The following CNTLN variants were observed in gnomAD, a reference collection of about 807,000 sequenced individuals.
CNTLN encodes centlein, centrosomal protein.
In CNTLN, 212 loss-of-function variants were observed where a neutral mutation model predicts 180.0. The observed-to-expected ratio is 1.18, with a 90% CI of 1.05 to 1.32. CNTLN has a LOEUF of 1.32. Among genes scored for constraint, CNTLN ranks in the 40% most tolerant of loss-of-function variants. CNTLN has a pLI of 0.00. For missense variants in CNTLN, 2,095 were observed against 1,610.9 expected (o/e 1.30, Z -5.14); for synonymous variants, 722 against 563.1 (o/e 1.28, Z -3.99).
At chr9:17,489,516 C>T (rs1487447196) in intron 25 of CNTLN, among the ~76,000 whole-genome samples, 4 of 151,820 alleles carry the variant, frequency 2.6e-5, no homozygotes, top group Non-Finnish European at 5.9e-5. Flanking sequence ...GAATCTGGCC[C>T]TGTGATTTTG....
At chr9:17,425,880 T>C (rs1829048416) in intron 18 of CNTLN, among the ~76,000 whole-genome samples, 1 of 152,206 alleles carries the variant, frequency 6.6e-6, no homozygotes, top group Non-Finnish European at 1.5e-5. Flanking sequence ...TGGTTAAATC[T>C]AAAGGAGAGA....
intron 7 of CNTLN, chr9:17,301,699 T>G (rs1035089766): frequency 6.2e-6 from 6 of 961,742 alleles, no homozygotes; most frequent in Non-Finnish European, 7.4e-6. Context: ...AGACTCAATT[T>G]GAAAATATTC....
rs777430589 is a variant in CNTLN at position 17,388,248 on chromosome 9, C to T, written c.2074C>T (p.Gln692Ter). 2.4e-5 allele frequency: 39 copies of T among 1,602,238 alleles called. No individual in the cohort carries two copies. Among genetic ancestry groups the T allele is most frequent in the Non-Finnish European group, 3.2e-5 (37 of 1,169,936 alleles). ...NGKEMLEQTL[Q>*]KVTELENRLK... ...AAAAGAAATGTTGGAGCAGACATTA[C>T]AGAAGGTAGTCTAATCTTTAAGATA... Residue 692 changes from glutamine to a stop codon, truncating the protein, a stop_gained, in exon 14 of 26, where the codon CAG (glutamine) becomes TAG (stop). Transcript: ENST00000380647. LOFTEE classifies it high-confidence loss of function.
chr9:17,294,667 C>T (rs560932440), intron 6 of CNTLN, among the ~76,000 whole-genome samples: 44 of 148,374 alleles, frequency 3.0e-4, no homozygotes, highest in African/African-American at 6.0e-4. Flanking sequence ...CTGCCAGTCC[C>T]GTGCCCTCCA....
chr9:17,199,543 G>A (rs139303212), intron 2 of CNTLN, among the ~76,000 whole-genome samples: 3,082 of 152,156 alleles, frequency 0.02, 102 homozygotes, highest in African/African-American at 0.07. Flanking sequence ...ATTCTAACTG[G>A]CATGAGATGG....
the CNTLN span, among the ~76,000 whole-genome samples, chr9:17,524,017 A>G: frequency 6.6e-6 from 1 of 151,954 alleles, no homozygotes; most frequent in Non-Finnish European, 1.5e-5. Flanking sequence ...CAAATGTGTG[A>G]AATGTTTTCT....
intron 9 of CNTLN, among the ~76,000 whole-genome samples, 182 bp downstream of exon 9, chr9:17,330,990 G>T (rs144189822): frequency 2.6e-4 from 40 of 152,006 alleles, no homozygotes; most frequent in Non-Finnish European, 4.9e-4. Flanking sequence ...CCTTTTTAAA[G>T]ACTGAGTTAT....
intron 5 of CNTLN, among the ~76,000 whole-genome samples, chr9:17,265,680 G>A (rs1297677128): frequency 6.6e-6 from 1 of 152,024 alleles, no homozygotes; most frequent in East Asian, 1.9e-4. Context: ...GACTCTTTTT[G>A]GTTGGTAAGC....
At chr9:17,168,958 T>C (rs963144071) in intron 2 of CNTLN, among the ~76,000 whole-genome samples, 10 of 152,198 alleles carry the variant, frequency 6.6e-5, no homozygotes, top group Non-Finnish European at 1.3e-4. Context: ...ACTGCCGTAG[T>C]CTGGCATCCA....
intron 8 of CNTLN, among the ~76,000 whole-genome samples, chr9:17,327,213 C>CTT (rs71492913): frequency 0.51 from 59,744 of 117,530 alleles, 16,726 homozygotes; most frequent in Non-Finnish European, 0.6. Context: ...AGTAGTTAAC[C>CTT]TTTTTTTTTT....
intron 13 of CNTLN, among the ~76,000 whole-genome samples, chr9:17,370,596 T>C (rs1052011167): frequency 4.6e-5 from 7 of 152,020 alleles, no homozygotes; most frequent in African/African-American, 1.7e-4. Flanking sequence ...TATTAATGAG[T>C]AATAAATCAT....
chr9:17,168,632 A>G (rs1820238416), intron 2 of CNTLN: 1 of 152,204 alleles, frequency 6.6e-6, no homozygotes, highest in Non-Finnish European at 1.5e-5. Context: ...GCAGATTTTT[A>G]GGCTATTTAT....
chr9:17,462,946 T>C lies in CNTLN; in HGVS notation c.3337T>C (p.Ser1113Pro). Residue 1113 changes from serine to proline, a missense_variant, in exon 20 of 26, where the codon TCA (serine) becomes CCA (proline). Coordinates refer to ENST00000380647, the MANE Select transcript of CNTLN (RefSeq NM_017738.4). ...TACTAATGAACTCACTAAACAGTCA[T>C]CAAATGTGAAGACTTTGAAATTTGA... is the stretch of plus-strand genomic sequence containing the variant. Reference protein sequence around the residue: ...NATNELTKQSSNVKTLKFELL... With the variant: ...NATNELTKQSPNVKTLKFELL... 6.3e-7 allele frequency: 1 copy of C among 1,580,124 alleles called. No homozygotes were observed. The highest frequency in any genetic ancestry group is 8.6e-7 in the Non-Finnish European group (1 of 1,166,398).
intron 16 of CNTLN, among the ~76,000 whole-genome samples, 192 bp from the exon 17 acceptor site, chr9:17,415,596 G>C (rs1828161005): frequency 6.6e-6 from 1 of 152,012 alleles, no homozygotes. Context: ...GTAAGAGGCA[G>C]TCTTGCTCTG....
chr9:17,213,065 C>T (rs1427809334), intron 2 of CNTLN, among the ~76,000 whole-genome samples: 1 of 152,136 alleles, frequency 6.6e-6, no homozygotes, highest in Non-Finnish European at 1.5e-5. Context: ...TTCAGTTCTG[C>T]TCTGATCTTA....
intron 5 of CNTLN, among the ~76,000 whole-genome samples, chr9:17,239,829 A>G (rs1053220345): frequency 5.9e-5 from 9 of 152,176 alleles, no homozygotes; most frequent in African/African-American, 1.4e-4. Flanking sequence ...TGATCTATAC[A>G]TCTGCCCTCC....
At chr9:17,408,256 A>G (rs549625763) in intron 15 of CNTLN, among the ~76,000 whole-genome samples, 69 of 152,126 alleles carry the variant, frequency 4.5e-4, no homozygotes, top group Middle Eastern at 3.4e-3. Context: ...AATGATGTCT[A>G]AATAGTTAAA....
chr9:17,198,448 TG>T (rs1367751047), intron 2 of CNTLN, among the ~76,000 whole-genome samples: 2 of 150,498 alleles, frequency 1.3e-5, no homozygotes, highest in African/African-American at 4.9e-5. Flanking sequence ...TAGTTTTCAT[TG>T]TAGAGATCTT....
chr9:17,439,878 G>A (rs1017735031), intron 18 of CNTLN, among the ~76,000 whole-genome samples: 1 of 152,194 alleles, frequency 6.6e-6, no homozygotes, highest in Non-Finnish European at 1.5e-5. Flanking sequence ...CCAGACACCA[G>A]ATCTATCCAC....
Sources: allele counts gnomAD v4.1 joint callset (sites outside exome capture counted in the v4.1 genomes callset), GRCh38; gene constraint gnomAD v4.1.1; transcripts MANE v1.5; gene names NCBI Gene and HGNC (gene_info 2026-07-23, HGNC 2026-07-21).